Variants in NTM observed in about 807,000 individuals in gnomAD.
The protein encoded by NTM is neurotrimin.
NTM carries 13 observed loss-of-function variants against 42.1 expected under a neutral mutation model. That is an observed-to-expected ratio of 0.31 (90% CI 0.20 to 0.49). The LOEUF is 0.49. NTM is among the 20% of genes least tolerant of loss of function. NTM has a pLI of 0.99. For missense variants in NTM, 373 were observed against 452.8 expected (o/e 0.82, Z 1.60); for synonymous variants, 187 against 179.2 (o/e 1.04, Z -0.35).
At chr11:131,919,471 C>T (rs1200643493) in intron 2 of NTM, among the ~76,000 whole-genome samples, 4 of 152,070 alleles carry the variant, frequency 2.6e-5, no homozygotes, top group Admixed American at 1.3e-4. Context: ...ACTAGGAGTA[C>T]AATCATTGGA....
At chr11:131,528,855 T>G (rs60121371) in intron 1 of NTM, among the ~76,000 whole-genome samples, 1,747 of 152,358 alleles carry the variant, frequency 0.011, 35 homozygotes, top group African/African-American at 0.04. Flanking sequence ...GCACACTTGA[T>G]GTTTAGACAT....
chr11:131,649,678 G>A (rs2066225720), intron 1 of NTM, among the ~76,000 whole-genome samples: 1 of 152,144 alleles, frequency 6.6e-6, no homozygotes, highest in African/African-American at 2.4e-5. Context: ...GTGGGGGGAG[G>A]CGGTGCATGT....
At chr11:132,216,093 T>C (rs1437752767) in intron 4 of NTM, among the ~76,000 whole-genome samples, 1 of 152,238 alleles carries the variant, frequency 6.6e-6, no homozygotes, top group African/African-American at 2.4e-5. Context: ...AGAATGTGTT[T>C]TTTAGCACAT....
chr11:131,793,187 T>C (rs1310762978), intron 1 of NTM, among the ~76,000 whole-genome samples: 1 of 152,272 alleles, frequency 6.6e-6, no homozygotes, highest in East Asian at 1.9e-4. Context: ...GAGTCTGCTA[T>C]GTTGGAAGAG....
At chr11:132,240,403 T>G (rs2089993275) in intron 4 of NTM, among the ~76,000 whole-genome samples, 1 of 152,202 alleles carries the variant, frequency 6.6e-6, no homozygotes, top group Non-Finnish European at 1.5e-5. Flanking sequence ...AATTTTGAAA[T>G]GGTGATTCTA....
At chr11:131,485,541 T>G (rs1954087258) in intron 1 of NTM, among the ~76,000 whole-genome samples, 1 of 152,178 alleles carries the variant, frequency 6.6e-6, no homozygotes, top group Non-Finnish European at 1.5e-5. Context: ...TAAGCCTTGG[T>G]CTTTGGCCAC....
chr11:131,689,264 C>T (rs940280428), intron 1 of NTM, among the ~76,000 whole-genome samples: 21 of 152,146 alleles, frequency 1.4e-4, no homozygotes, highest in African/African-American at 5.1e-4. Context: ...ACAGGTGGCC[C>T]GGCAGGGAAG....
At chr11:131,528,337 G>A (rs2050783459) in intron 1 of NTM, among the ~76,000 whole-genome samples, 1 of 150,630 alleles carries the variant, frequency 6.6e-6, no homozygotes, top group Non-Finnish European at 1.5e-5. Flanking sequence ...CATTTATTAA[G>A]CACTTACTTT....
At chr11:131,640,426 C>T (rs2658853) in intron 1 of NTM, among the ~76,000 whole-genome samples, 37,840 of 152,102 alleles carry the variant, frequency 0.25, 4,823 homozygotes, top group Middle Eastern at 0.29. Flanking sequence ...GGACTCATTC[C>T]TCCCGTCAGA....
At chr11:131,538,446 G>C (rs552296087) in intron 1 of NTM, 1 of 152,164 alleles carries the variant, frequency 6.6e-6, no homozygotes, top group Non-Finnish European at 1.5e-5. Context: ...ATCCTACCAC[G>C]TGTAGGAGAT....
intron 2 of NTM, among the ~76,000 whole-genome samples, chr11:131,991,851 G>A (rs1383538572): frequency 6.6e-6 from 1 of 152,170 alleles, no homozygotes; most frequent in East Asian, 1.9e-4. Flanking sequence ...GTTAAGCTTG[G>A]TGGAAATATG....
chr11:131,567,698 G>A (rs1478801503), intron 1 of NTM, among the ~76,000 whole-genome samples: 2 of 152,192 alleles, frequency 1.3e-5, no homozygotes, highest in African/African-American at 2.4e-5. Flanking sequence ...ATGGAAGTAT[G>A]AGCCTGCATC....
At chr11:131,670,657 C>T (rs1324219148) in intron 1 of NTM, among the ~76,000 whole-genome samples, 1 of 152,126 alleles carries the variant, frequency 6.6e-6, no homozygotes, top group Non-Finnish European at 1.5e-5. Flanking sequence ...GCTAGGAGGC[C>T]TGACAGTCGA....
At chr11:131,438,500 A>G (rs1949332847) in intron 1 of NTM, among the ~76,000 whole-genome samples, 1 of 152,034 alleles carries the variant, frequency 6.6e-6, no homozygotes, top group Admixed American at 6.5e-5. Context: ...TTTTTTCTCT[A>G]AACTTTGCTT....
At chr11:132,199,784 G>A (rs188185184) in intron 3 of NTM, among the ~76,000 whole-genome samples, 1 of 151,922 alleles carries the variant, frequency 6.6e-6, no homozygotes, top group Admixed American at 6.6e-5. Flanking sequence ...TCCCAAGTGT[G>A]AGAGACCTAG....
At chr11:131,675,998 C>T (rs1346297844) in intron 1 of NTM, among the ~76,000 whole-genome samples, 3 of 152,304 alleles carry the variant, frequency 2.0e-5, no homozygotes, top group Admixed American at 6.5e-5. Flanking sequence ...AAGCAAACCC[C>T]TTGGACCAAT....
intron 1 of NTM, among the ~76,000 whole-genome samples, chr11:131,789,639 G>GAA (rs2090495471): frequency 9.1e-6 from 1 of 109,680 alleles, no homozygotes; most frequent in Admixed American, 1.2e-4. Flanking sequence ...AAGAAGAAAA[G>GAA]AAGAAGAAGA....
intron 1 of NTM, among the ~76,000 whole-genome samples, chr11:131,526,483 G>C (rs376099): frequency 0.22 from 32,789 of 152,146 alleles, 3,801 homozygotes; most frequent in African/African-American, 0.31. Flanking sequence ...AGGAAAAGGA[G>C]TAAAGAAATC....
At position 132,121,833 on chromosome 11, in the gene NTM, T is replaced by A. The variant is rs181675783; in HGVS notation, c.168-24449T>A. ...AAACATGTTATCATTAGAGTTCAATTCTTCTGCTCCTAGCCTTTGTGCCTG... is the reference window on the plus strand; with the variant it reads ...AAACATGTTATCATTAGAGTTCAATACTTCTGCTCCTAGCCTTTGTGCCTG... On this transcript the variant is annotated intron_variant, in intron 2 of 8. Coordinates refer to ENST00000683400, the MANE Select transcript of NTM (RefSeq NM_001352005.2). 4.6e-5 allele frequency among the ~76,000 whole-genome samples: 7 copies of A among 152,344 alleles called. No homozygotes were observed. The East Asian group carries it at 1.4e-3, about 29-fold the overall frequency.
Sources: allele counts gnomAD v4.1 joint callset (sites outside exome capture counted in the v4.1 genomes callset), GRCh38; gene constraint gnomAD v4.1.1; transcripts MANE v1.5; gene names NCBI Gene and HGNC (gene_info 2026-07-23, HGNC 2026-07-21).